SUPT3H: variants seen among roughly 807,000 people sequenced by gnomAD.
SUPT3H encodes SPT3 homolog, SAGA and STAGA complex component, also known as transcription initiation protein SPT3 homolog.
In SUPT3H, 44 loss-of-function variants were observed where a neutral mutation model predicts 44.3. The observed-to-expected ratio is 0.99, with a 90% CI of 0.78 to 1.28. The LOEUF (loss-of-function observed/expected upper bound fraction) is 1.28. Among genes scored for constraint, SUPT3H ranks in the 50% most tolerant of loss-of-function variants. The probability of loss-of-function intolerance (pLI) is 0.00; values close to 1 mark genes in which losing one functional copy is unlikely to be tolerated. For missense variants in SUPT3H, 380 were observed against 387.1 expected, an observed-to-expected ratio of 0.98 and a Z score of 0.15; for synonymous variants, 124 against 125.6, an observed-to-expected ratio of 0.99 and a Z score of 0.09.
At position 44,893,370 on chromosome 6, in the gene SUPT3H, C is replaced by T. The variant is rs553054807; in HGVS notation, c.912+39283G>A. Among the ~76,000 whole-genome samples the T allele has an allele frequency of 1.8e-3, 276 of 152,094 alleles. 1 individual carries two copies. Among genetic ancestry groups the T allele is most frequent in the African/African-American group, 6.1e-3 (255 of 41,514 alleles). Reference sequence around the variant, plus strand: ...TTAGCTATATCTCCCAATGCTATCCCTCCCCCCTGCCCCCACCCCACAACA... The same window carrying T: ...TTAGCTATATCTCCCAATGCTATCCTTCCCCCCTGCCCCCACCCCACAACA... On this transcript the variant is annotated intron_variant, in intron 10 of 10. Transcript: ENST00000371459.
intron 2 of SUPT3H, among the ~76,000 whole-genome samples, chr6:45,282,571 A>G (rs1038779482): frequency 4.6e-5 from 7 of 152,222 alleles, no homozygotes; most frequent in African/African-American, 1.7e-4. Context: ...GCCTCCAAGA[A>G]ATATGGGACT....
At position 44,947,305 on chromosome 6, in the gene SUPT3H, A is replaced by G. The variant is rs77988865; in HGVS notation, c.801+6005T>C. Among the ~76,000 whole-genome samples the G allele has an allele frequency of 8.2e-3, 1,249 of 152,304 alleles. 16 individuals are homozygous for G. The highest frequency in any genetic ancestry group is 0.028 in the African/African-American group (1,173 of 41,564). On this transcript the variant is annotated intron_variant, in intron 9 of 10. Transcript: ENST00000371459. The stretch of plus-strand genomic sequence containing the variant: ...TATGCCTGCAGAAACATACAAATAT[A>G]TTGAAAGGAAGTGGATGGAAAAACA...
chr6:45,049,178 T>A (rs6903524), intron 3 of SUPT3H, among the ~76,000 whole-genome samples: 146,705 of 152,108 alleles, frequency 0.96, 70,779 homozygotes, highest in East Asian at 1. Context: ...AACAATTTTT[T>A]AAAAAATCAG....
intron 2 of SUPT3H, among the ~76,000 whole-genome samples, chr6:45,199,685 C>T (rs1435825195): frequency 6.6e-6 from 1 of 151,114 alleles, no homozygotes. Context: ...TACTTGAAAC[C>T]ACTGTTAAAC....
chr6:45,100,261 C>G (rs12190106), intron 3 of SUPT3H, among the ~76,000 whole-genome samples: 1 of 151,932 alleles, frequency 6.6e-6, no homozygotes, highest in Non-Finnish European at 1.5e-5. Context: ...AACTAAAAAT[C>G]TTCTACACAA....
chr6:45,153,790 G>A (rs188368313), intron 2 of SUPT3H, among the ~76,000 whole-genome samples: 173 of 152,136 alleles, frequency 1.1e-3, no homozygotes, highest in Non-Finnish European at 1.9e-3. Flanking sequence ...AGCTTAGGCC[G>A]GGCACGGTGG....
chr6:45,280,728 ACTC>A (rs969199161), intron 2 of SUPT3H, among the ~76,000 whole-genome samples: 2 of 152,180 alleles, frequency 1.3e-5, no homozygotes, highest in Admixed American at 1.3e-4. Flanking sequence ...CAACTACAGA[ACTC>A]CTAGTGGCTT....
rs1007243684 is a variant in SUPT3H at position 45,245,155 on chromosome 6, CAT to C, written c.101+120044_101+120045del. The stretch of plus-strand genomic sequence containing the variant: ...AATGTGTAGTATTTCAGATATTTCA[CAT>C]GTTTTTTCAAGAATATCTATTTTGG... On this transcript the variant is annotated intron_variant, in intron 2 of 10. Coordinates refer to ENST00000371459, the MANE Select transcript of SUPT3H (RefSeq NM_003599.4). 8.5e-5 allele frequency among the ~76,000 whole-genome samples: 13 copies of C among 152,164 alleles called. No homozygotes were observed. In the East Asian group the frequency reaches 9.7e-4, roughly 11 times the overall value.
intron 2 of SUPT3H, among the ~76,000 whole-genome samples, chr6:45,222,433 C>T (rs1766221497): frequency 2.6e-5 from 4 of 152,140 alleles, no homozygotes; most frequent in South Asian, 4.1e-4. Flanking sequence ...AATAAGCACA[C>T]AAAATGGTGT....
intron 2 of SUPT3H, among the ~76,000 whole-genome samples, chr6:45,269,844 T>A (rs951642117): frequency 6.6e-6 from 1 of 152,198 alleles, no homozygotes; most frequent in African/African-American, 2.4e-5. Context: ...AGTATATTCA[T>A]AGTTGTGCAA....
At chr6:44,975,488 CTAAT>C (rs1778196345) in intron 6 of SUPT3H, among the ~76,000 whole-genome samples, 1 of 151,652 alleles carries the variant, frequency 6.6e-6, no homozygotes, top group African/African-American at 2.4e-5. Flanking sequence ...GAATGAAAAA[CTAAT>C]TATCTTATGT....
At chr6:45,344,499 C>T (rs189990385) in intron 2 of SUPT3H, among the ~76,000 whole-genome samples, 255 of 151,840 alleles carry the variant, frequency 1.7e-3, no homozygotes, top group African/African-American at 6.0e-3. Context: ...AGTGGAGAGC[C>T]CATATATGTA....
chr6:45,075,777 T>C (rs1450617015), intron 3 of SUPT3H, among the ~76,000 whole-genome samples: 1 of 144,744 alleles, frequency 6.9e-6, no homozygotes, highest in Non-Finnish European at 1.5e-5. Context: ...TTCTTCCAAG[T>C]TCCACAGTAG....
At chr6:45,313,070 T>C (rs1248691198) in intron 2 of SUPT3H, among the ~76,000 whole-genome samples, 3 of 151,972 alleles carry the variant, frequency 2.0e-5, no homozygotes, top group African/African-American at 7.3e-5. Flanking sequence ...AAATGAAAAT[T>C]AAAAAATTCT....
At chr6:45,072,690 G>A (rs904909289) in intron 3 of SUPT3H, among the ~76,000 whole-genome samples, 2 of 152,026 alleles carry the variant, frequency 1.3e-5, no homozygotes, top group Non-Finnish European at 2.9e-5. Context: ...TAAAGTATTC[G>A]TAAAATGTTT....
chr6:44,858,969 A>G (rs1774175502), intron 10 of SUPT3H, among the ~76,000 whole-genome samples: 1 of 152,240 alleles, frequency 6.6e-6, no homozygotes, highest in Non-Finnish European at 1.5e-5. Context: ...AAGAATCTGG[A>G]ATTGAAAATG....
chr6:44,968,342 C>T (rs1777068473), intron 6 of SUPT3H, among the ~76,000 whole-genome samples: 1 of 152,048 alleles, frequency 6.6e-6, no homozygotes, highest in Non-Finnish European at 1.5e-5. Flanking sequence ...TAACGTGGTC[C>T]ACTTGCAGAA....
At position 45,345,720 on chromosome 6, in the gene SUPT3H, A is replaced by G. The variant is rs538908800; in HGVS notation, c.101+19481T>C. 9.9e-5 allele frequency among the ~76,000 whole-genome samples: 15 copies of G among 152,284 alleles called. No homozygotes were observed. The South Asian group carries it at 2.5e-3, about 25-fold the overall frequency. On this transcript the variant is annotated intron_variant, in intron 2 of 10. Coordinates refer to ENST00000371459, the MANE Select transcript of SUPT3H (RefSeq NM_003599.4). The stretch of plus-strand genomic sequence containing the variant: ...GCCAACTCATTTTACATGATGCATT[A>G]TCAATTCTTCTTAATGAGTATCAAT...
At chr6:45,065,167 C>A (rs977534896) in intron 3 of SUPT3H, among the ~76,000 whole-genome samples, 6 of 151,826 alleles carry the variant, frequency 4.0e-5, no homozygotes, top group Non-Finnish European at 7.4e-5. Flanking sequence ...CACTCAAAGC[C>A]GCTCAACTAT....
Sources: gnomAD v4.1 joint callset for allele counts (sites outside exome capture counted in the v4.1 genomes callset) on GRCh38, gnomAD v4.1.1 for gene constraint, MANE v1.5 for transcripts, NCBI Gene and HGNC (gene_info 2026-07-23, HGNC 2026-07-21) for gene names.